Variants in CNTN5 observed in about 807,000 individuals in gnomAD.
CNTN5 encodes contactin 5, also known as contactin-5.
In CNTN5, 77 loss-of-function variants were observed where a neutral mutation model predicts 129.1. The observed-to-expected ratio is 0.60, with a 90% CI of 0.50 to 0.72. The LOEUF (loss-of-function observed/expected upper bound fraction) is 0.72, where lower values mean the gene tolerates loss of function less well. Among genes scored for constraint, CNTN5 ranks in the 30% least tolerant of loss-of-function variants. CNTN5 has a pLI of 0.00. For synonymous variants in CNTN5, 509 were observed against 465.6 expected (o/e 1.09, Z -1.20); for missense variants, 1,478 against 1,328.8 (o/e 1.11, Z -1.75).
intron 3 of CNTN5, among the ~76,000 whole-genome samples, chr11:99,675,013 G>GGTTTTGTTTT (rs141283660): frequency 0.014 from 2,057 of 149,560 alleles, 20 homozygotes; most frequent in East Asian, 0.028. Flanking sequence ...GCATTTTTCT[G>GGTTTTGTTTT]GTTTTGTTTT....
chr11:99,480,639 C>A (rs1432396309), intron 2 of CNTN5, among the ~76,000 whole-genome samples: 1 of 152,100 alleles, frequency 6.6e-6, no homozygotes, highest in Non-Finnish European at 1.5e-5. Context: ...AACCTGTTTC[C>A]TAACATCTAG....
chr11:100,074,780 T>C (rs1366987183), intron 13 of CNTN5, among the ~76,000 whole-genome samples: 1 of 152,168 alleles, frequency 6.6e-6, no homozygotes, highest in Non-Finnish European at 1.5e-5. Context: ...GGATTATTTT[T>C]AGTGCCATAG....
At chr11:99,210,527 G>A (rs1448478468) in intron 1 of CNTN5, among the ~76,000 whole-genome samples, 2 of 151,952 alleles carry the variant, frequency 1.3e-5, no homozygotes, top group African/African-American at 4.8e-5. Flanking sequence ...GTTAGAGATT[G>A]GGAAGTAAGA....
intron 2 of CNTN5, among the ~76,000 whole-genome samples, chr11:99,491,576 G>A (rs1946037936): frequency 6.6e-6 from 1 of 152,066 alleles, no homozygotes; most frequent in Non-Finnish European, 1.5e-5. Context: ...TTGTTTCTGA[G>A]ACAATATGCT....
intron 2 of CNTN5, among the ~76,000 whole-genome samples, chr11:99,541,956 C>CAAAAAAAAAAAAAAAAAAAA (rs56363127): frequency 1.5e-4 from 10 of 68,862 alleles, no homozygotes; most frequent in South Asian, 6.3e-4. Flanking sequence ...GATCTTGTCT[C>CAAAAAAAAAAAAAAAAAAAA]AAAAAAAAAA....
chr11:99,419,956 A>C (rs773624675), intron 2 of CNTN5, among the ~76,000 whole-genome samples: 16 of 152,134 alleles, frequency 1.1e-4, no homozygotes, highest in Non-Finnish European at 1.6e-4. Context: ...AGTGAAAAAA[A>C]GGAGTCTCCG....
intron 6 of CNTN5, 138 bp from the exon 7 acceptor site, chr11:99,915,916 T>G (rs1278308968): frequency 3.1e-6 from 2 of 650,034 alleles, no homozygotes; most frequent in East Asian, 5.5e-5. Context: ...TAGATATATG[T>G]TAAAGCCTTC....
intron 4 of CNTN5, among the ~76,000 whole-genome samples, chr11:99,824,639 C>A (rs1384330236): frequency 2.0e-5 from 3 of 151,762 alleles, no homozygotes; most frequent in Non-Finnish European, 1.5e-5. Context: ...CTGTGCTTTT[C>A]ATGTCCTAAA....
chr11:100,255,940 T>G (rs760019514), intron 17 of CNTN5, 22 bp downstream of exon 17: 2 of 1,611,840 alleles, frequency 1.2e-6, no homozygotes, highest in Admixed American at 1.7e-5. Flanking sequence ...TAAAGCAACA[T>G]CAGATATAAC....
intron 7 of CNTN5, among the ~76,000 whole-genome samples, chr11:99,931,831 A>C (rs1421129655): frequency 6.6e-6 from 1 of 152,200 alleles, no homozygotes; most frequent in Non-Finnish European, 1.5e-5. Flanking sequence ...TTGAGCATGA[A>C]AAATGTGGAT....
At chr11:100,060,641 T>C (rs886118539) in intron 9 of CNTN5, among the ~76,000 whole-genome samples, 1 of 20,570 alleles carries the variant, frequency 4.9e-5, no homozygotes, top group Non-Finnish European at 8.0e-5. Context: ...ATTTTTTTTC[T>C]TTTTTTTTTT....
intron 1 of CNTN5, among the ~76,000 whole-genome samples, chr11:99,080,002 T>A (rs1865725338): frequency 6.6e-6 from 1 of 152,210 alleles, no homozygotes; most frequent in South Asian, 2.1e-4. Flanking sequence ...CTGTTATGCT[T>A]TACATTCCAC....
chr11:99,820,131 G>T (rs555123059), intron 4 of CNTN5, among the ~76,000 whole-genome samples: 1 of 131,630 alleles, frequency 7.6e-6, no homozygotes, highest in African/African-American at 2.8e-5. Flanking sequence ...AATGACAAGA[G>T]CCTGTGTTGG....
intron 1 of CNTN5, among the ~76,000 whole-genome samples, chr11:99,090,735 A>C (rs1866207552): frequency 6.6e-6 from 1 of 151,364 alleles, no homozygotes; most frequent in Non-Finnish European, 1.5e-5. Context: ...AAAAAAAAAA[A>C]AAAACGGCCG....
At chr11:99,715,127 C>T (rs1422909972) in intron 3 of CNTN5, among the ~76,000 whole-genome samples, 1 of 151,762 alleles carries the variant, frequency 6.6e-6, no homozygotes, top group Non-Finnish European at 1.5e-5. Flanking sequence ...TATTTGCTAG[C>T]TGATTTGTAT....
chr11:99,707,343 AAACT>A (rs1156886885), intron 3 of CNTN5, among the ~76,000 whole-genome samples: 7 of 151,570 alleles, frequency 4.6e-5, no homozygotes, highest in Non-Finnish European at 1.0e-4. Flanking sequence ...ATATTGTCCT[AAACT>A]AACCTAAAAA....
chr11:99,109,058 T>C (rs562379956), intron 1 of CNTN5, among the ~76,000 whole-genome samples: 5 of 151,868 alleles, frequency 3.3e-5, no homozygotes, highest in African/African-American at 9.6e-5. Context: ...TATACACATA[T>C]ACACATAGTG....
chr11:99,507,958 A>AAACACATTTT (rs1237207741), intron 2 of CNTN5, among the ~76,000 whole-genome samples: 7 of 152,224 alleles, frequency 4.6e-5, no homozygotes, highest in African/African-American at 1.7e-4. Context: ...TTATGAAGTA[A>AAACACATTTT]ATGTTAGTTT....
chr11:100,255,819 C>G lies in CNTN5; in HGVS notation c.2065C>G (p.Leu689Val). The G allele has an allele frequency of 6.2e-7, 1 of 1,613,930 alleles. No individual in the cohort carries two copies. The highest frequency in any genetic ancestry group is 8.5e-7 in the Non-Finnish European group (1 of 1,179,848). The change falls in exon 17 of 25, where the codon CTG becomes GTG. Residue 689 changes from leucine (L) to valine (V), a missense_variant. By Grantham distance (32) the Leu-to-Val change is conservative (BLOSUM62 1). Transcript: ENST00000524871. ...VEEITESTAT[L>V]SWSPAADNHS... ...GGAAATAACCGAAAGTACGGCCACA[C>G]TGTCCTGGAGCCCAGCAGCTGACAA...
Sources: gnomAD v4.1 joint callset for allele counts (sites outside exome capture counted in the v4.1 genomes callset) on GRCh38, gnomAD v4.1.1 for gene constraint, MANE v1.5 for transcripts, NCBI Gene and HGNC (gene_info 2026-07-23, HGNC 2026-07-21) for gene names.